The following DCAF5 variants were observed in gnomAD, a reference collection of about 807,000 sequenced individuals.
DCAF5 encodes DDB1 and CUL4 associated factor 5.
A neutral mutation model predicts 80.7 loss-of-function variants in DCAF5; 9 were observed. The ratio of observed to expected loss-of-function variants is 0.11; its 90% CI spans 0.07 to 0.19. The LOEUF (loss-of-function observed/expected upper bound fraction) is 0.19. DCAF5 is among the 10% of genes least tolerant of loss of function. The pLI, the probability that DCAF5 is intolerant of heterozygous loss-of-function variation, is 1.00. For synonymous variants in DCAF5, 433 were observed against 461.9 expected, an observed-to-expected ratio of 0.94 and a Z score of 0.80; for missense variants, 842 against 1,205.7, an observed-to-expected ratio of 0.70 and a Z score of 4.47.
intron 6 of DCAF5, among the ~76,000 whole-genome samples, chr14:69,079,552 C>T (rs1341099707): frequency 6.6e-6 from 1 of 152,148 alleles, no homozygotes; most frequent in Non-Finnish European, 1.5e-5. Flanking sequence ...TTCATTATGG[C>T]ATTTCACGGT....
rs373148713 is a variant in DCAF5 at position 69,054,070 on chromosome 14, C to G, written c.2616G>C (p.Ser872=). The G allele has an allele frequency of 2.1e-5, 34 of 1,613,978 alleles. No individual in the cohort carries two copies. Among genetic ancestry groups the G allele is most frequent in the Non-Finnish European group, 2.9e-5 (34 of 1,179,988 alleles). ...TGTGTAGGAGTGTCCCTGTCAGGGACGAGTTATCACGGTCAGTGTCTGAGT... is the reference window on the plus strand; with the variant it reads ...TGTGTAGGAGTGTCCCTGTCAGGGAGGAGTTATCACGGTCAGTGTCTGAGT... ...PGHSDTDRDN[S]SLTGTLLHKD... The change falls in exon 9 of 9, where the codon TCG becomes TCC. Residue 872 remains serine, a synonymous_variant. Coordinates refer to ENST00000341516, the MANE Select transcript of DCAF5 (RefSeq NM_003861.3).
At position 69,055,376 on chromosome 14, in the gene DCAF5, T is replaced by A; in HGVS notation, c.1310A>T (p.Asp437Val). Residue 437 changes from aspartate to valine, a missense_variant, in exon 9 of 9, where the codon GAC (aspartate) becomes GTC (valine). By Grantham distance (152) the Asp-to-Val change is radical. Coordinates refer to ENST00000341516, the MANE Select transcript of DCAF5 (RefSeq NM_003861.3). This position sits in a 1 kb window ranked among gnomAD's most constrained non-coding sequence, Gnocchi z 5.6. ...IEGWSSDSDS[D>V]LSESTILQLH... ...TTGGAGGATAGTACTCTCACTGAGG[T>A]CACTGTCTGAGTCAGAGCTCCAGCC... The A allele has an allele frequency of 3.1e-6, 5 of 1,614,086 alleles. No homozygotes were observed. Among genetic ancestry groups the A allele is most frequent in the Non-Finnish European group, 3.4e-6 (4 of 1,180,012 alleles).
intron 7 of DCAF5, among the ~76,000 whole-genome samples, chr14:69,069,143 T>C (rs949409162): frequency 6.6e-6 from 1 of 152,054 alleles, no homozygotes; most frequent in African/African-American, 2.4e-5. Flanking sequence ...TGAGAGTGAA[T>C]ACATGTCTAG....
At chr14:69,134,896 A>G (rs569985596) in intron 1 of DCAF5, among the ~76,000 whole-genome samples, 2 of 152,360 alleles carry the variant, frequency 1.3e-5, no homozygotes, top group East Asian at 3.9e-4. Flanking sequence ...TGTATCTTAA[A>G]AATATAAAAA....
chr14:69,153,001 C>T lies in DCAF5; in HGVS notation c.-23G>A. 1 of 1,531,040 alleles carries T rather than the reference C, an allele frequency of 6.5e-7. No individual in the cohort carries two copies. The allele number at this position is 1,531,040 out of a possible 1,614,324, so 94.8% of individuals were successfully genotyped here. ...CATGCTGGAACCGCCGCCGCCGCCG[C>T]TCGCGCCGCCGCCCCTCCCTCGGCC... On this transcript the variant is annotated 5_prime_UTR_variant, in exon 1 of 9. Transcript: ENST00000341516.
chr14:69,063,334 G>A (rs550947324), intron 7 of DCAF5, among the ~76,000 whole-genome samples: 9 of 152,238 alleles, frequency 5.9e-5, no homozygotes, highest in African/African-American at 2.2e-4. Context: ...TAAATTCAAA[G>A]TTTCCACTGC....
intron 5 of DCAF5, among the ~76,000 whole-genome samples, chr14:69,111,279 T>A (rs28613298): frequency 3.9e-5 from 6 of 152,160 alleles, no homozygotes; most frequent in Middle Eastern, 3.4e-3. Context: ...GACAGTTAAC[T>A]GAGAGGTCCC....
chr14:69,064,346 C>T (rs929797618), intron 7 of DCAF5, among the ~76,000 whole-genome samples: 3 of 152,116 alleles, frequency 2.0e-5, no homozygotes, highest in African/African-American at 7.2e-5. Flanking sequence ...TACCTCTACT[C>T]CCACTGGGGT....
intron 6 of DCAF5, among the ~76,000 whole-genome samples, chr14:69,086,893 G>C (rs1369878953): frequency 6.6e-6 from 1 of 152,320 alleles, no homozygotes; most frequent in East Asian, 1.9e-4. Context: ...CAAAAGACCA[G>C]TATAAGAGAT....
chr14:69,104,136 GGT>G (rs2040053794), intron 5 of DCAF5, among the ~76,000 whole-genome samples: 1 of 152,138 alleles, frequency 6.6e-6, no homozygotes, highest in Non-Finnish European at 1.5e-5. Context: ...TGGGTCATAT[GGT>G]AAGCTCATCT....
rs144567584 is a variant in DCAF5, at chr14:69,105,038, GT to G, written c.665+11327del. ...TTAGGTGGAATAATATTGTGGTTAT[GT>G]TTTTTTTTTAATTATCTTTTTATGG... On this transcript the variant is annotated intron_variant, in intron 5 of 8. Transcript: ENST00000341516. 8.8e-3 allele frequency among the ~76,000 whole-genome samples: 1,330 copies of G among 151,444 alleles called. 20 individuals carry two copies. Among genetic ancestry groups the G allele is most frequent in the African/African-American group, 0.031 (1,262 of 41,194 alleles).
intron 1 of DCAF5, among the ~76,000 whole-genome samples, chr14:69,147,223 A>T (rs1288408022): frequency 6.6e-6 from 1 of 152,264 alleles, no homozygotes; most frequent in Admixed American, 6.5e-5. Context: ...GCTTATTCAC[A>T]AAGTATTTTG....
At chr14:69,084,330 A>G (rs2039234368) in intron 6 of DCAF5, 1 of 954,578 alleles carries the variant, frequency 1.0e-6, no homozygotes, top group South Asian at 1.3e-5. Flanking sequence ...CATATGCAGA[A>G]TATCCCAGGG....
intron 1 of DCAF5, among the ~76,000 whole-genome samples, chr14:69,134,179 G>A (rs1037764471): frequency 6.6e-6 from 1 of 152,148 alleles, no homozygotes; most frequent in African/African-American, 2.4e-5. Context: ...GGCAGAGTGG[G>A]ATTCAAATCC....
intron 1 of DCAF5, among the ~76,000 whole-genome samples, chr14:69,143,110 G>A (rs1165136272): frequency 6.6e-6 from 1 of 152,150 alleles, no homozygotes; most frequent in East Asian, 1.9e-4. Flanking sequence ...CTGTGGCTGT[G>A]ATGAGAACCC....
rs576232564 is a variant in DCAF5 at position 69,070,965 on chromosome 14, T to C, written c.946+4380A>G. ...GGTGTGCACCACTACACCTGGCTAA[T>C]TTTTGAATTTTTAGTAAAGACAGTG... On this transcript the variant is annotated intron_variant, in intron 7 of 8. Coordinates refer to ENST00000341516, the MANE Select transcript of DCAF5 (RefSeq NM_003861.3). Among the ~76,000 whole-genome samples the C allele has an allele frequency of 5.3e-5, 8 of 152,176 alleles. No homozygotes were observed. The East Asian group carries it at 1.4e-3, about 26-fold the overall frequency.
chr14:69,094,158 C>T (rs1032811322), intron 5 of DCAF5, among the ~76,000 whole-genome samples: 12 of 152,198 alleles, frequency 7.9e-5, no homozygotes, highest in African/African-American at 2.9e-4. Context: ...CTTGGCCAGC[C>T]TCACCACCCA....
At chr14:69,064,775 G>A (rs745761226) in intron 7 of DCAF5, among the ~76,000 whole-genome samples, 2 of 152,198 alleles carry the variant, frequency 1.3e-5, no homozygotes, top group Non-Finnish European at 2.9e-5. Flanking sequence ...GAATAGAACT[G>A]GATCTGTCTT....
At chr14:69,095,214 T>C (rs1215843468) in intron 5 of DCAF5, among the ~76,000 whole-genome samples, 3 of 152,188 alleles carry the variant, frequency 2.0e-5, no homozygotes, top group South Asian at 4.1e-4. Context: ...TAGACACTTA[T>C]CTTGATAATG....
Sources: gnomAD v4.1 joint callset for allele counts (sites outside exome capture counted in the v4.1 genomes callset) on GRCh38, gnomAD v4.1.1 for gene constraint, Gnocchi (gnomAD v3.1) non-coding constraint, MANE v1.5 for transcripts, NCBI Gene and HGNC (gene_info 2026-07-23, HGNC 2026-07-21) for gene names.